Variants in IDS observed in about 807,000 individuals in gnomAD.
The protein encoded by IDS is iduronate 2-sulfatase.
Under a neutral mutation model 33.5 loss-of-function variants are expected in IDS, and 1 was observed. The observed-to-expected ratio is 0.03, with a 90% CI of 0.01 to 0.14. IDS has a LOEUF of 0.14. Ranked by LOEUF, IDS falls within the 10% of genes least tolerant of loss-of-function variation. The pLI is 1.00. For synonymous variants in IDS, 191 were observed against 184.4 expected, an observed-to-expected ratio of 1.04 and a Z score of -0.29; for missense variants, 328 against 448.0, an observed-to-expected ratio of 0.73 and a Z score of 2.42.
chrX:149,503,226 C>A, intron 3 of IDS, 86 bp downstream of exon 3: 5 of 1,170,289 alleles, frequency 4.3e-6, no homozygotes, highest in Non-Finnish European at 5.7e-6. Context: ...GAGGGCTCTG[C>A]AAAGACAGCC....
chrX:149,492,630 G>A (rs922169692), intron 6 of IDS, among the ~76,000 whole-genome samples: 1 of 110,782 alleles, frequency 9.0e-6, no homozygotes, highest in Non-Finnish European at 1.9e-5. Context: ...CTTTCAAGGC[G>A]AGAAATTGAC....
chrX:149,491,577 G>C, intron 6 of IDS: 1 of 991,784 alleles, frequency 1.0e-6, no homozygotes, highest in Non-Finnish European at 1.3e-6. Flanking sequence ...TATACATCTA[G>C]CCTTCCAGCA....
chrX:149,499,866 C>T (rs1021426367), intron 4 of IDS, among the ~76,000 whole-genome samples: 1 of 111,631 alleles, frequency 9.0e-6, no homozygotes, highest in Non-Finnish European at 1.9e-5. Context: ...AGAATGAAAC[C>T]TCCTGCTTTG....
chrX:149,480,730 T>G lies in IDS; in HGVS notation c.*2016A>C, dbSNP rs1557337344. ...CCTAACCTCAAGTGATCCGCCTGCC[T>G]GGGCCTCCCAAAGTGCTGGGATTAC... On this transcript the variant is annotated 3_prime_UTR_variant, in exon 9 of 9. Transcript: ENST00000340855. 1 of 137,148 alleles carries G rather than the reference T, an allele frequency of 7.3e-6. No individual in the cohort carries two copies. Among genetic ancestry groups the G allele is most frequent in the African/African-American group, 3.1e-5 (1 of 32,064 alleles). The allele number at this position is 137,148 out of a possible 1,213,427, so 11.3% of individuals were successfully genotyped here.
intron 7 of IDS, 135 bp downstream of exon 7, chrX:149,490,179 G>C: frequency 1.5e-6 from 1 of 661,620 alleles, no homozygotes; most frequent in Non-Finnish European, 2.5e-6. Flanking sequence ...AATGCCCCAG[G>C]ATCCCACTTT....
At chrX:149,487,395 CTG>C in intron 7 of IDS, 1 of 723,403 alleles carries the variant, frequency 1.4e-6, no homozygotes, top group Admixed American at 2.4e-5. Flanking sequence ...ACGTAGGACT[CTG>C]TGGCGGTTCC....
chrX:149,499,592 T>C (rs1037843364), intron 4 of IDS, among the ~76,000 whole-genome samples: 2 of 111,290 alleles, frequency 1.8e-5, no homozygotes, highest in East Asian at 5.6e-4. Flanking sequence ...ACAGGGTTTC[T>C]TTTGAGAGCG....
Position 149,483,047 on chromosome X carries a change from G to C in IDS, c.1352C>G (p.Pro451Arg), listed in dbSNP as rs369603623. The change falls in exon 9 of 9, where the codon CCG (proline) becomes CGG (arginine). Residue 451 changes from proline to arginine, a missense_variant. By Grantham distance (103) the Pro-to-Arg change is moderately radical. Around this residue, in one of 4 missense-constraint regions of IDS, gnomAD observed 265 missense variants for 339.2 expected, o/e 0.78. Coordinates refer to ENST00000340855, the MANE Select transcript of IDS (RefSeq NM_000202.8). ...TTCACGGGGATTACCAGGGAGGTAC[G>C]GATCCTCTTCCAAGTCACGGAATCG... is the stretch of plus-strand genomic sequence containing the variant. ...HFRFRDLEED[P>R]YLPGNPRELI... 1.3e-5 allele frequency: 16 copies of C among 1,207,840 alleles called. No individual in the cohort carries two copies. The highest frequency in any genetic ancestry group is 6.5e-5 in the Admixed American group (3 of 45,960).
At chrX:149,491,280 C>A (rs782413738) in intron 6 of IDS, among the ~76,000 whole-genome samples, 1 of 112,296 alleles carries the variant, frequency 8.9e-6, no homozygotes, top group Non-Finnish European at 1.9e-5. Context: ...GAGAGCAGCA[C>A]GTCCTTCACA....
intron 4 of IDS, among the ~76,000 whole-genome samples, chrX:149,500,637 A>G (rs782565830): frequency 9.0e-6 from 1 of 111,432 alleles, no homozygotes; most frequent in Non-Finnish European, 1.9e-5. Context: ...TCTCCCTCCC[A>G]TGTCTCAGCA....
At position 149,480,920 on chromosome X, in the gene IDS, CA is replaced by C. The variant is rs2089292943; in HGVS notation, c.*1825del. 8.9e-6 allele frequency: 1 copy of C among 112,112 alleles called. No homozygotes were observed. Among genetic ancestry groups the C allele is most frequent in the South Asian group, 3.7e-4 (1 of 2,705 alleles). 9.2% of individuals were successfully genotyped at this position (112,112 alleles called of 1,213,427 possible). A position where few individuals can be genotyped will look rare whatever the true frequency, so the allele number is the denominator to read the frequency against. On this transcript the variant is annotated 3_prime_UTR_variant, in exon 9 of 9. Transcript: ENST00000340855. ...TAAACCACATGAAAGAACCCCTGCT[CA>C]TGTGAAAGAGAGATTTCTACAAATA...
chrX:149,490,218 A>G, intron 7 of IDS, 96 bp downstream of exon 7: 3 of 944,505 alleles, frequency 3.2e-6, no homozygotes, highest in Non-Finnish European at 4.6e-6. Context: ...CACAAAAGAG[A>G]ACACACCCAT....
At chrX:149,494,465 T>C (rs961957556) in intron 6 of IDS, among the ~76,000 whole-genome samples, 1 of 111,350 alleles carries the variant, frequency 9.0e-6, no homozygotes, top group Non-Finnish European at 1.9e-5. Flanking sequence ...CACTGGCTCA[T>C]GTAGAGCTGA....
At chrX:149,502,645 A>G (rs1255986024) in intron 3 of IDS, 2 of 123,908 alleles carry the variant, frequency 1.6e-5, no homozygotes, top group South Asian at 2.4e-4. Context: ...TTGTCTTCCA[A>G]TACTTTTTTC....
intron 6 of IDS, among the ~76,000 whole-genome samples, chrX:149,493,309 C>T (rs781810332): frequency 2.7e-5 from 3 of 111,938 alleles, no homozygotes; most frequent in East Asian, 5.7e-4. Flanking sequence ...GAGGAAGTGA[C>T]ACAGAGCTCA....
rs1391289456 is a variant in IDS at position 149,481,286 on chromosome X, G to C, written c.*1460C>G. ...AGTCACGGAGAAGTCGTTGTTGCCA[G>C]AACAGTCAGTCACTTAACTGCTTAG... On this transcript the variant is annotated 3_prime_UTR_variant, in exon 9 of 9. Transcript: ENST00000340855. 1 of 112,379 alleles carries C rather than the reference G, an allele frequency of 8.9e-6. No individual in the cohort carries two copies. The highest frequency in any genetic ancestry group is 1.9e-5 in the Non-Finnish European group (1 of 53,284). The allele number at this position is 112,379 out of a possible 1,213,427, so 9.3% of individuals were successfully genotyped here.
At chrX:149,493,331 G>A (rs184314438) in intron 6 of IDS, among the ~76,000 whole-genome samples, 2 of 112,452 alleles carry the variant, frequency 1.8e-5, no homozygotes, top group East Asian at 5.6e-4. Flanking sequence ...GGAAGGTCAG[G>A]ACCTACACAG....
intron 7 of IDS, 81 bp from the exon 8 acceptor site, chrX:149,487,179 T>C: frequency 8.3e-7 from 1 of 1,208,732 alleles, no homozygotes. Context: ...CCATTTCATT[T>C]CCTGTTGTAA....
intron 1 of IDS, among the ~76,000 whole-genome samples, chrX:149,504,763 G>A (rs2089510375): frequency 9.8e-6 from 1 of 102,063 alleles, no homozygotes. Context: ...TGGATGGATA[G>A]AGATGGGAAA....
Sources: gnomAD v4.1 joint callset for allele counts (sites outside exome capture counted in the v4.1 genomes callset) on GRCh38, gnomAD v4.1.1 for gene constraint, gnomAD v4.1.1 regional missense constraint, MANE v1.5 for transcripts, NCBI Gene and HGNC (gene_info 2026-07-23, HGNC 2026-07-21) for gene names.